PIK3C2G: variants seen among roughly 807,000 people sequenced by gnomAD.
The protein encoded by PIK3C2G is phosphatidylinositol-4-phosphate 3-kinase catalytic subunit type 2 gamma.
In PIK3C2G, 168 loss-of-function variants were observed where a neutral mutation model predicts 181.1. The ratio of observed to expected loss-of-function variants is 0.93; its 90% CI spans 0.82 to 1.05. The LOEUF (loss-of-function observed/expected upper bound fraction) is 1.05. PIK3C2G is among the 50% of genes least tolerant of loss of function. The probability of loss-of-function intolerance (pLI) is 0.00; values close to 1 mark genes in which losing one functional copy is unlikely to be tolerated. For synonymous variants in PIK3C2G, 573 were observed against 592.2 expected (o/e 0.97, Z 0.47); for missense variants, 1,869 against 1,732.8 (o/e 1.08, Z -1.40).
chr12:18,663,365 C>T, the PIK3C2G span, among the ~76,000 whole-genome samples: 1 of 152,028 alleles, frequency 6.6e-6, no homozygotes, highest in Non-Finnish European at 1.5e-5. Flanking sequence ...TAATTTAGCA[C>T]TTTTTCCTAA....
intron 32 of PIK3C2G, among the ~76,000 whole-genome samples, chr12:18,641,874 C>T (rs1475689022): frequency 4.0e-5 from 6 of 151,622 alleles, no homozygotes; most frequent in African/African-American, 1.2e-4. Context: ...TTAAGCCACC[C>T]GAGTAACTGA....
At chr12:18,646,220 A>C (rs541354273) in intron 32 of PIK3C2G, among the ~76,000 whole-genome samples, 34 of 152,332 alleles carry the variant, frequency 2.2e-4, no homozygotes, top group African/African-American at 8.2e-4. Context: ...ATGTATTTTC[A>C]TAATTAAAAC....
chr12:18,563,511 C>A lies in PIK3C2G; in HGVS notation c.3902+13C>A, dbSNP rs1045761158. On this transcript the variant is annotated intron_variant, in intron 28 of 32. Coordinates refer to ENST00000538779, the MANE Select transcript of PIK3C2G (RefSeq NM_001288772.2). ...TGACTCTCCCAGAGTAAGGCACTGT[C>A]CTTTTACATTGTTTTGCCTTCAGTA... 1.2e-6 allele frequency: 2 copies of A among 1,612,558 alleles called. No homozygotes were observed. The highest frequency in any genetic ancestry group is 1.7e-6 in the Non-Finnish European group (2 of 1,179,290).
chr12:18,613,140 T>C (rs934246412), intron 31 of PIK3C2G, among the ~76,000 whole-genome samples: 3 of 152,152 alleles, frequency 2.0e-5, no homozygotes, highest in African/African-American at 7.2e-5. Flanking sequence ...CATTGATGTC[T>C]ACAATGTCTC....
At chr12:18,338,685 G>GTT in intron 9 of PIK3C2G, 137 bp downstream of exon 9, 1 of 599,046 alleles carries the variant, frequency 1.7e-6, no homozygotes, top group Non-Finnish European at 3.0e-6. Context: ...GTGTGTGTGT[G>GTT]TGTGTGTGTG....
At chr12:18,357,888 A>G (rs1226917693) in intron 11 of PIK3C2G, among the ~76,000 whole-genome samples, 1 of 152,184 alleles carries the variant, frequency 6.6e-6, no homozygotes, top group Non-Finnish European at 1.5e-5. Flanking sequence ...ATTTAGCATA[A>G]TGTCCTTAAT....
rs1437450064 is a variant in PIK3C2G, at chr12:18,562,823, C to T, written c.3711C>T (p.Ser1237=). 6.2e-7 allele frequency: 1 copy of T among 1,607,542 alleles called. No homozygotes were observed. The highest frequency in any genetic ancestry group is 8.5e-7 in the Non-Finnish European group (1 of 1,176,422). The change falls in exon 27 of 33, where the codon TCC becomes TCT. Residue 1237 remains serine (S), a synonymous_variant. Transcript: ENST00000538779. ...KSTSQTFPQE[S]CLLSTTRSIE... ...CTTCACAGACTTTTCCTCAGGAATC[C>T]TGTTTGCTGAGTACAACTAGGTCGA... is the stretch of plus-strand genomic sequence containing the variant.
At chr12:18,469,460 T>C (rs571228064) in intron 18 of PIK3C2G, among the ~76,000 whole-genome samples, 1 of 152,264 alleles carries the variant, frequency 6.6e-6, no homozygotes, top group South Asian at 2.1e-4. Flanking sequence ...TTTAAAACTA[T>C]GACCTTTTCA....
At chr12:18,657,750 T>C in the PIK3C2G span, among the ~76,000 whole-genome samples, 3 of 152,086 alleles carry the variant, frequency 2.0e-5, no homozygotes, top group African/African-American at 7.2e-5. Flanking sequence ...CACTATAATA[T>C]TCAAAATGTT....
At chr12:18,668,967 G>C in the PIK3C2G span, among the ~76,000 whole-genome samples, 5 of 152,024 alleles carry the variant, frequency 3.3e-5, no homozygotes, top group African/African-American at 9.7e-5. Context: ...GAGATTAAGA[G>C]AGAAGCTCCA....
chr12:18,441,422 T>A (rs188646939), intron 18 of PIK3C2G, among the ~76,000 whole-genome samples: 2 of 152,084 alleles, frequency 1.3e-5, no homozygotes. Flanking sequence ...ATAGGAAAAA[T>A]TGCTTTTTAA....
intron 29 of PIK3C2G, among the ~76,000 whole-genome samples, chr12:18,588,400 G>A (rs1555141194): frequency 6.6e-6 from 1 of 150,740 alleles, no homozygotes; most frequent in Non-Finnish European, 1.5e-5. Flanking sequence ...AAATTTACAG[G>A]AAAAAAAACA....
At chr12:18,388,498 C>T (rs1943323530) in intron 14 of PIK3C2G, among the ~76,000 whole-genome samples, 1 of 152,186 alleles carries the variant, frequency 6.6e-6, no homozygotes, top group African/African-American at 2.4e-5. Context: ...TGGTCTTGAA[C>T]TCCTAACCTC....
intron 18 of PIK3C2G, among the ~76,000 whole-genome samples, chr12:18,444,899 C>T (rs1199602158): frequency 6.6e-6 from 1 of 151,972 alleles, no homozygotes; most frequent in Non-Finnish European, 1.5e-5. Context: ...AGTTTTTGTC[C>T]TTACCCATAA....
the PIK3C2G span, among the ~76,000 whole-genome samples, chr12:18,708,320 C>G: frequency 6.6e-6 from 1 of 152,108 alleles, no homozygotes; most frequent in Admixed American, 6.5e-5. Context: ...AATGTCCTCA[C>G]TCATGCTGTG....
At chr12:18,566,441 C>T (rs1291038357) in intron 28 of PIK3C2G, among the ~76,000 whole-genome samples, 1 of 152,168 alleles carries the variant, frequency 6.6e-6, no homozygotes, top group African/African-American at 2.4e-5. Context: ...TCAGATTGTG[C>T]AAAGGAAATT....
the PIK3C2G span, among the ~76,000 whole-genome samples, chr12:18,691,081 G>C: frequency 2.0e-3 from 311 of 152,236 alleles, 1 homozygote; most frequent in African/African-American, 7.1e-3. Flanking sequence ...GTAAATTCCT[G>C]ATACAGGAGA....
At chr12:18,546,858 T>G (rs562608723) in intron 26 of PIK3C2G, among the ~76,000 whole-genome samples, 1 of 152,128 alleles carries the variant, frequency 6.6e-6, no homozygotes, top group East Asian at 1.9e-4. Context: ...CTCTTCTACT[T>G]TTAATCTATT....
At chr12:18,595,757 G>C (rs1453172628) in intron 30 of PIK3C2G, among the ~76,000 whole-genome samples, 1 of 152,076 alleles carries the variant, frequency 6.6e-6, no homozygotes, top group East Asian at 1.9e-4. Flanking sequence ...ATACTCTGCT[G>C]CCACTGTCTT....
Sources: allele counts gnomAD v4.1 joint callset (sites outside exome capture counted in the v4.1 genomes callset), GRCh38; gene constraint gnomAD v4.1.1; transcripts MANE v1.5; gene names NCBI Gene and HGNC (gene_info 2026-07-23, HGNC 2026-07-21).